The following LIMCH1 variants were observed in gnomAD, a reference collection of about 807,000 sequenced individuals.
The protein encoded by LIMCH1 is LIM and calponin homology domains 1, also known as LIM and calponin homology domains-containing protein 1.
In LIMCH1, 113 loss-of-function variants were observed where a neutral mutation model predicts 176.5. The observed-to-expected ratio is 0.64, with a 90% CI of 0.55 to 0.75. The LOEUF (loss-of-function observed/expected upper bound fraction) is 0.75. Among genes scored for constraint, LIMCH1 ranks in the 30% least tolerant of loss-of-function variants. LIMCH1 has a pLI of 0.00. For synonymous variants in LIMCH1, 619 were observed against 645.9 expected, an observed-to-expected ratio of 0.96 and a Z score of 0.63; for missense variants, 1,674 against 1,814.9, an observed-to-expected ratio of 0.92 and a Z score of 1.41.
In LIMCH1 at chr4:41,419,632, T is replaced by G. The variant is rs1389051726; in HGVS notation, c.96+58696T>G. On this transcript the variant is annotated intron_variant, in intron 1 of 26. Transcript: ENST00000313860. The stretch of plus-strand genomic sequence containing the variant: ...CTTCCTTCCTTCCTTCCTTCCTTCC[T>G]TCCTCCTTCCTTTCTTCCTCCTTCC... 1.8e-3 allele frequency among the ~76,000 whole-genome samples: 170 copies of G among 92,464 alleles called. 5 individuals are homozygous for G. The highest frequency in any genetic ancestry group is 0.01 in the African/African-American group (154 of 14,934). The allele number at this position is 92,464 out of a possible 152,430, so 60.7% of individuals were successfully genotyped here.
intron 1 of LIMCH1, among the ~76,000 whole-genome samples, chr4:41,571,149 T>C (rs1333849203): frequency 1.3e-5 from 2 of 152,016 alleles, no homozygotes; most frequent in African/African-American, 4.8e-5. Context: ...GAGGAGAGAA[T>C]GTGTGGCTCA....
intron 1 of LIMCH1, among the ~76,000 whole-genome samples, chr4:41,487,000 AC>A (rs2069708864): frequency 1.3e-5 from 2 of 151,198 alleles, no homozygotes; most frequent in African/African-American, 4.9e-5. Context: ...ACACACACAC[AC>A]ATATATATAT....
chr4:41,650,395 A>G lies in LIMCH1; in HGVS notation c.2823A>G (p.Val941=), dbSNP rs554554927. ...TTTGTTCATTCTGGCTTTTATAGGT[A>G]GACGGGAAAGTCAGTGTGAATGGAG... The part of the protein sequence containing the change: ...NSQDVLKTFK[V]DGKVSVNGET... The change falls in exon 18 of 32, where the codon GTA becomes GTG. Residue 941 remains valine, a splice_region_variant and synonymous_variant. Coordinates refer to ENST00000503057, the MANE Select transcript of LIMCH1 (RefSeq NM_001330672.2). 1 of 1,613,388 alleles carries G rather than the reference A, an allele frequency of 6.2e-7. No homozygotes were observed. Among genetic ancestry groups the G allele is most frequent in the South Asian group, 1.1e-5 (1 of 91,054 alleles).
intron 1 of LIMCH1, among the ~76,000 whole-genome samples, chr4:41,544,074 GA>G (rs2079038251): frequency 6.6e-6 from 1 of 151,898 alleles, no homozygotes; most frequent in Non-Finnish European, 1.5e-5. Context: ...TTATATTTCA[GA>G]TACCCCCCCA....
chr4:41,433,677 T>C (rs2061801067), intron 1 of LIMCH1, among the ~76,000 whole-genome samples: 1 of 119,682 alleles, frequency 8.4e-6, no homozygotes, highest in Non-Finnish European at 1.6e-5. Flanking sequence ...GTTAGTCTTC[T>C]TTTTTTTTTT....
chr4:41,543,511 A>G (rs2078957571), intron 1 of LIMCH1, among the ~76,000 whole-genome samples: 1 of 152,120 alleles, frequency 6.6e-6, no homozygotes, highest in Admixed American at 6.6e-5. Flanking sequence ...TATTGCACCA[A>G]ATTAAAGCTT....
chr4:41,639,249 T>G (rs1435085715), intron 14 of LIMCH1, among the ~76,000 whole-genome samples: 2 of 152,232 alleles, frequency 1.3e-5, no homozygotes, highest in African/African-American at 4.8e-5. Flanking sequence ...TGTTATGGTC[T>G]GAACATTGGT....
chr4:41,436,946 G>A (rs1248907672), intron 1 of LIMCH1, among the ~76,000 whole-genome samples: 2 of 152,166 alleles, frequency 1.3e-5, no homozygotes, highest in Non-Finnish European at 1.5e-5. Context: ...TAGGTAATAT[G>A]TCAAATACTG....
At chr4:41,563,833 A>T (rs1267543379) in intron 1 of LIMCH1, among the ~76,000 whole-genome samples, 1 of 152,190 alleles carries the variant, frequency 6.6e-6, no homozygotes, top group Non-Finnish European at 1.5e-5. Context: ...AAAACAGGAG[A>T]CTATAACATT....
intron 1 of LIMCH1, among the ~76,000 whole-genome samples, chr4:41,451,427 G>GA (rs1244342295): frequency 6.6e-5 from 10 of 152,098 alleles, no homozygotes; most frequent in African/African-American, 2.4e-4. Context: ...TGCCCGGCCC[G>GA]AAAGGGTAAT....
rs139510760 is a variant in LIMCH1, at chr4:41,644,506, C to T, written c.2133C>T (p.Thr711=). Residue 711 remains threonine (T), a synonymous_variant, in exon 15 of 32, where the codon ACC becomes ACT. Coordinates refer to ENST00000503057, the MANE Select transcript of LIMCH1 (RefSeq NM_001330672.2). The part of the protein sequence containing the change: ...RTPVSDDAES[T]SMFDMRCEEE... The stretch of plus-strand genomic sequence containing the variant: ...TCGCTCTCTCCACACTCAGGAGCAC[C>T]AGCATGTTTGACATGCGGTGTGAGG... The T allele has an allele frequency of 2.2e-4, 346 of 1,567,008 alleles. 3 individuals carry two copies. The African/African-American group carries it at 3.9e-3, about 18-fold the overall frequency.
intron 4 of LIMCH1, among the ~76,000 whole-genome samples, chr4:41,606,561 A>C (rs551520695): frequency 1.2e-4 from 18 of 152,318 alleles, no homozygotes; most frequent in African/African-American, 4.3e-4. Context: ...CATTTCATAC[A>C]TTGTTAAAAG....
chr4:41,598,975 A>G lies in LIMCH1; in HGVS notation c.-185A>G. 1 of 1,612,518 alleles carries G rather than the reference A, an allele frequency of 6.2e-7. No individual in the cohort carries two copies. Among genetic ancestry groups the G allele is most frequent in the Non-Finnish European group, 8.5e-7 (1 of 1,178,736 alleles). ...AAAGAGCTCGGCCTTAAAGAATCTCAACTTTTTGACCCGAGTGACCTCCAG... is the reference window on the plus strand; with the variant it reads ...AAAGAGCTCGGCCTTAAAGAATCTCGACTTTTTGACCCGAGTGACCTCCAG... On this transcript the variant is annotated 5_prime_UTR_variant, in exon 2 of 32. Transcript: ENST00000503057.
intron 1 of LIMCH1, among the ~76,000 whole-genome samples, chr4:41,432,329 C>T (rs1185157045): frequency 6.6e-6 from 1 of 152,198 alleles, no homozygotes; most frequent in Non-Finnish European, 1.5e-5. Context: ...GAGTGTGTTG[C>T]TGCTCTTGAT....
At chr4:41,447,052 A>G (rs2154144672) in intron 1 of LIMCH1, among the ~76,000 whole-genome samples, 1 of 152,284 alleles carries the variant, frequency 6.6e-6, no homozygotes, top group South Asian at 2.1e-4. Flanking sequence ...AACATGGTGA[A>G]ACCCTGTCTC....
At position 41,629,863 on chromosome 4, in the gene LIMCH1, A is replaced by G. The variant is rs2093215563; in HGVS notation, c.1271+129A>G. On this transcript the variant is annotated intron_variant, in intron 9 of 31. Transcript: ENST00000503057. ...TGCTCTGTTGCCCAGGCTGGAATAT[A>G]GTGGCTTGATCACAGTTCACTGTAC... 2.2e-5 allele frequency: 24 copies of G among 1,107,554 alleles called. 2 individuals carry two copies. The South Asian group carries it at 4.0e-4, about 18-fold the overall frequency. The allele number at this position is 1,107,554 out of a possible 1,614,324, so 68.6% of individuals were successfully genotyped here.
At chr4:41,440,879 T>C (rs1443370467) in intron 1 of LIMCH1, among the ~76,000 whole-genome samples, 1 of 152,184 alleles carries the variant, frequency 6.6e-6, no homozygotes, top group African/African-American at 2.4e-5. Context: ...CTATGGTGAC[T>C]AAATATAACA....
rs1054554143 is a variant in LIMCH1 at position 41,538,299 on chromosome 4, C to A, written c.-292C>A. 4 of 985,342 alleles carry A rather than the reference C, an allele frequency of 4.1e-6. No individual in the cohort carries two copies. The highest frequency in any genetic ancestry group is 4.8e-6 in the Non-Finnish European group (4 of 829,956). The allele number at this position is 985,342 out of a possible 1,614,324, so 61.0% of individuals were successfully genotyped here. Reference sequence around the variant, plus strand: ...CACACAGGAGAGATGCCCCTCCCATCTCCCAGAGTGGGTTGGCTGGAGTTC... The same window carrying A: ...CACACAGGAGAGATGCCCCTCCCATATCCCAGAGTGGGTTGGCTGGAGTTC... On this transcript the variant is annotated 5_prime_UTR_variant, in exon 1 of 32. Transcript: ENST00000503057.
intron 2 of LIMCH1, among the ~76,000 whole-genome samples, chr4:41,602,589 C>T (rs1446801915): frequency 2.0e-5 from 3 of 151,884 alleles, no homozygotes; most frequent in Admixed American, 6.6e-5. Context: ...GAGGCCAAGG[C>T]GGGCAGATCA....
Sources: allele counts gnomAD v4.1 joint callset (sites outside exome capture counted in the v4.1 genomes callset), GRCh38; gene constraint gnomAD v4.1.1; transcripts MANE v1.5; gene names NCBI Gene and HGNC (gene_info 2026-07-23, HGNC 2026-07-21).